SP4: variants seen among roughly 807,000 people sequenced by gnomAD.
SP4 encodes Sp4 transcription factor, also known as transcription factor Sp4.
Under a neutral mutation model 72.8 loss-of-function variants are expected in SP4, and 19 were observed. The ratio of observed to expected loss-of-function variants is 0.26; its 90% CI spans 0.18 to 0.38. SP4 has a LOEUF of 0.38. SP4 is among the 10% of genes least tolerant of loss of function. The probability of loss-of-function intolerance (pLI) is 1.00; values close to 1 mark genes in which losing one functional copy is unlikely to be tolerated. For missense variants in SP4, 1,008 were observed against 926.3 expected, an observed-to-expected ratio of 1.09 and a Z score of -1.14; for synonymous variants, 395 against 333.1, an observed-to-expected ratio of 1.19 and a Z score of -2.02.
intron 4 of SP4, among the ~76,000 whole-genome samples, chr7:21,480,094 G>A (rs1194369336): frequency 6.6e-6 from 1 of 152,034 alleles, no homozygotes; most frequent in Non-Finnish European, 1.5e-5. Flanking sequence ...TTTCTACTCT[G>A]CAGGAGTTCT....
intron 3 of SP4, among the ~76,000 whole-genome samples, chr7:21,460,623 G>T (rs1022639090): frequency 6.6e-6 from 1 of 152,174 alleles, no homozygotes; most frequent in African/African-American, 2.4e-5. Context: ...ACATCCTGCT[G>T]ATTGGCCCAT....
rs1407403979 is a variant in SP4, at chr7:21,514,534, AAAAAAAAAAATG to A, written c.*3275_*3286del. 1 of 151,508 alleles carries A rather than the reference AAAAAAAAAAATG, an allele frequency of 6.6e-6. No homozygotes were observed. 9.4% of individuals were successfully genotyped at this position (151,508 alleles called of 1,614,324 possible). ...TTTCACTTGTAAATTTTTTTTGTAA[AAAAAAAAAAATG>A]AAAAAAAAAGATGAATCCAGAAAAA... On this transcript the variant is annotated 3_prime_UTR_variant, in exon 6 of 6. Transcript: ENST00000222584.
At chr7:21,504,171 C>T (rs1198819805) in intron 5 of SP4, among the ~76,000 whole-genome samples, 1 of 152,084 alleles carries the variant, frequency 6.6e-6, no homozygotes, top group Non-Finnish European at 1.5e-5. Context: ...CTATAGTGTT[C>T]CCTTTCTGAT....
chr7:21,462,240 G>A (rs959283414), intron 3 of SP4, among the ~76,000 whole-genome samples: 1 of 151,964 alleles, frequency 6.6e-6, no homozygotes, highest in African/African-American at 2.4e-5. Flanking sequence ...GCCCAAGCTA[G>A]TTTTGTTTTT....
In SP4 at chr7:21,437,313, T is replaced by C. The variant is rs78894441; in HGVS notation, c.1678+6470T>C. ...AAACTAGGTTCATATCTTCTTTCTT[T>C]AGGATTTCCAGATGAGTATCCAAAG... is the stretch of plus-strand genomic sequence containing the variant. On this transcript the variant is annotated intron_variant, in intron 3 of 5. Coordinates refer to ENST00000222584, the MANE Select transcript of SP4 (RefSeq NM_003112.5). Among the ~76,000 whole-genome samples, 1,282 of 152,286 alleles carry C rather than the reference T, an allele frequency of 8.4e-3. 9 individuals are homozygous for C. The highest frequency in any genetic ancestry group is 0.015 in the Non-Finnish European group (1,019 of 68,006).
In SP4 at chr7:21,429,536, C is replaced by G. The variant is rs374429537; in HGVS notation, c.371C>G (p.Ser124Trp). The G allele has an allele frequency of 4.3e-6, 7 of 1,613,778 alleles. No homozygotes were observed. The highest frequency in any genetic ancestry group is 4.0e-5 in the African/African-American group (3 of 74,910). ...ENNVSQPASSSSSSSSSNNGS... is the reference protein window; with the variant it reads ...ENNVSQPASSWSSSSSSNNGS... ...AACGTTTCTCAACCAGCCTCTAGTT[C>G]GTCTAGTTCTTCCAGCAGTAATAAC... Residue 124 changes from serine (S) to tryptophan (W), a missense_variant, in exon 3 of 6, where the codon TCG (serine) becomes TGG (tryptophan). Around this residue, in one of 3 missense-constraint regions of SP4, gnomAD observed 893 missense variants for 743.3 expected, o/e 1.20. Transcript: ENST00000222584.
intron 5 of SP4, among the ~76,000 whole-genome samples, chr7:21,510,129 T>C (rs992158643): frequency 2.6e-5 from 4 of 152,188 alleles, no homozygotes; most frequent in African/African-American, 7.2e-5. Flanking sequence ...GTGGGAATTA[T>C]GGGAGCACAA....
At chr7:21,456,097 A>G (rs1783756279) in intron 3 of SP4, among the ~76,000 whole-genome samples, 2 of 152,264 alleles carry the variant, frequency 1.3e-5, no homozygotes, top group South Asian at 4.1e-4. Flanking sequence ...CAGCCCTTGG[A>G]TTTGAGGGGG....
chr7:21,446,693 TCACTGAG>T (rs1457492366), intron 3 of SP4, among the ~76,000 whole-genome samples: 2 of 152,244 alleles, frequency 1.3e-5, no homozygotes, highest in Non-Finnish European at 2.9e-5. Flanking sequence ...TAATTTTATT[TCACTGAG>T]CCAGTGGGAA....
At chr7:21,472,481 T>C (rs1784376203) in intron 3 of SP4, among the ~76,000 whole-genome samples, 2 of 152,010 alleles carry the variant, frequency 1.3e-5, no homozygotes, top group East Asian at 1.9e-4. Flanking sequence ...TTTTAAGAGA[T>C]GGCATCTCAC....
At chr7:21,484,971 A>G (rs1784774366) in intron 5 of SP4, among the ~76,000 whole-genome samples, 1 of 151,926 alleles carries the variant, frequency 6.6e-6, no homozygotes, top group Non-Finnish European at 1.5e-5. Flanking sequence ...ATAATCCAAT[A>G]TACTTTAAGC....
In SP4 at chr7:21,430,369, C is replaced by T. The variant is rs1172263347; in HGVS notation, c.1204C>T (p.Pro402Ser). 1.9e-6 allele frequency: 3 copies of T among 1,614,090 alleles called. No homozygotes were observed. The highest frequency in any genetic ancestry group is 4.5e-5 in the East Asian group (2 of 44,906). ...SLQQVQIVGQPILQQIQIQQP... is the reference protein window; with the variant it reads ...SLQQVQIVGQSILQQIQIQQP... ...TCAGCAGGTGCAAATTGTAGGCCAA[C>T]CTATCTTACAGCAGATCCAGATCCA... The change falls in exon 3 of 6, where the codon CCT becomes TCT. Residue 402 changes from proline (P) to serine (S), a missense_variant. Pro to Ser is a moderately conservative substitution (Grantham distance 74). This residue lies in a region of SP4 where 893 missense variants were observed against 743.3 expected (regional missense o/e 1.20). Coordinates refer to ENST00000222584, the MANE Select transcript of SP4 (RefSeq NM_003112.5).
chr7:21,503,231 G>A (rs1057074296), intron 5 of SP4, among the ~76,000 whole-genome samples: 2 of 152,114 alleles, frequency 1.3e-5, no homozygotes, highest in Non-Finnish European at 2.9e-5. Flanking sequence ...TGGAGTATAT[G>A]GCCACTATAT....
chr7:21,448,023 A>G (rs1783480469), intron 3 of SP4, among the ~76,000 whole-genome samples: 1 of 152,234 alleles, frequency 6.6e-6, no homozygotes, highest in African/African-American at 2.4e-5. Flanking sequence ...ATTGCATTAA[A>G]GTCAAAGGAT....
chr7:21,443,322 A>G (rs1783319014), intron 3 of SP4, among the ~76,000 whole-genome samples: 1 of 152,182 alleles, frequency 6.6e-6, no homozygotes, highest in Non-Finnish European at 1.5e-5. Flanking sequence ...GGAGTGAGAG[A>G]GTTTACGATC....
rs144500879 is a variant in SP4, at chr7:21,511,804, A to G, written c.*535A>G. 9.7e-5 allele frequency: 15 copies of G among 155,250 alleles called. No individual in the cohort carries two copies. Among genetic ancestry groups the G allele is most frequent in the African/African-American group, 3.6e-4 (15 of 41,588 alleles). The allele number at this position is 155,250 out of a possible 1,614,324, so 9.6% of individuals were successfully genotyped here. A position where few individuals can be genotyped will look rare whatever the true frequency, so the allele number is the denominator to read the frequency against. On this transcript the variant is annotated 3_prime_UTR_variant, in exon 6 of 6. Coordinates refer to ENST00000222584, the MANE Select transcript of SP4 (RefSeq NM_003112.5). ...TTTTCTAAATGTTAGAAATTCTTCAACAGTTGAATTAGGTAAGTTCCAAAA... is the reference window on the plus strand; with the variant it reads ...TTTTCTAAATGTTAGAAATTCTTCAGCAGTTGAATTAGGTAAGTTCCAAAA...
intron 3 of SP4, among the ~76,000 whole-genome samples, chr7:21,469,189 G>T (rs563390701): frequency 1.3e-5 from 2 of 152,104 alleles, no homozygotes; most frequent in Middle Eastern, 3.4e-3. Context: ...AAAATAATTT[G>T]TAATATTAAT....
At chr7:21,434,190 G>A (rs922496761) in intron 3 of SP4, among the ~76,000 whole-genome samples, 3 of 152,160 alleles carry the variant, frequency 2.0e-5, no homozygotes, top group African/African-American at 4.8e-5. Context: ...TTTATGAGAA[G>A]CCTTGAAAAA....
intron 3 of SP4, among the ~76,000 whole-genome samples, chr7:21,456,276 T>C (rs1783762357): frequency 6.6e-6 from 1 of 152,206 alleles, no homozygotes; most frequent in Non-Finnish European, 1.5e-5. Flanking sequence ...TGAAGCCCTA[T>C]GCAGGCAGGC....
Sources: gnomAD v4.1 joint callset for allele counts (sites outside exome capture counted in the v4.1 genomes callset) on GRCh38, gnomAD v4.1.1 for gene constraint, gnomAD v4.1.1 regional missense constraint, MANE v1.5 for transcripts, NCBI Gene and HGNC (gene_info 2026-07-23, HGNC 2026-07-21) for gene names.